KLKB1: variants seen among roughly 807,000 people sequenced by gnomAD.
KLKB1 encodes the protein plasma kallikrein.
Under a neutral mutation model 73.6 loss-of-function variants are expected in KLKB1, and 58 were observed. The ratio of observed to expected loss-of-function variants is 0.79; its 90% confidence interval spans 0.64 to 0.98. The LOEUF is 0.98. Among genes scored for constraint, KLKB1 ranks in the 50% least tolerant of loss-of-function variants. KLKB1 has a pLI of 0.00. For synonymous variants in KLKB1, 280 were observed against 258.1 expected (o/e 1.08, Z -0.81); for missense variants, 737 against 763.8 (o/e 0.96, Z 0.41).
At chr4:186,244,341 G>T (rs1738212623) in intron 6 of KLKB1, among the ~76,000 whole-genome samples, 1 of 152,192 alleles carries the variant, frequency 6.6e-6, no homozygotes, top group Non-Finnish European at 1.5e-5. Flanking sequence ...TTTGTAGAAG[G>T]GGTTGGGGTT....
At chr4:186,246,719 A>C (rs900572310) in intron 6 of KLKB1, among the ~76,000 whole-genome samples, 2 of 151,936 alleles carry the variant, frequency 1.3e-5, no homozygotes, top group African/African-American at 4.8e-5. Flanking sequence ...AGACATGGAG[A>C]GAAGGGGTGG....
intron 1 of KLKB1, among the ~76,000 whole-genome samples, chr4:186,227,930 A>C (rs1315212256): frequency 6.6e-6 from 1 of 152,186 alleles, no homozygotes; most frequent in Admixed American, 6.5e-5. Context: ...TTCCCTTTCC[A>C]ACATTACTAG....
At chr4:186,217,858 G>C (rs1561443485) in intron 2 of KLKB1, among the ~76,000 whole-genome samples, 1 of 152,178 alleles carries the variant, frequency 6.6e-6, no homozygotes, top group Non-Finnish European at 1.5e-5. Context: ...GTTGGAGCAG[G>C]CTGCTTAGGA....
intron 6 of KLKB1, among the ~76,000 whole-genome samples, chr4:186,240,805 T>C (rs1405276409): frequency 6.6e-6 from 1 of 152,196 alleles, no homozygotes; most frequent in African/African-American, 2.4e-5. Context: ...TATTATTTTT[T>C]TCTGGGAGAG....
At chr4:186,239,565 T>C (rs890415008) in intron 6 of KLKB1, among the ~76,000 whole-genome samples, 1 of 145,818 alleles carries the variant, frequency 6.9e-6, no homozygotes, top group African/African-American at 2.5e-5. Flanking sequence ...ACTGTTAGAG[T>C]TATAGGTACA....
chr4:186,235,398 A>G (rs1024690840), intron 4 of KLKB1, among the ~76,000 whole-genome samples: 6 of 152,330 alleles, frequency 3.9e-5, no homozygotes, highest in African/African-American at 1.4e-4. Context: ...TACACTCAAG[A>G]ACAATTCTAG....
In KLKB1 at chr4:186,215,503, G is replaced by A. The variant is rs1221298470; in HGVS notation, c.201+6231G>A. 6.7e-5 allele frequency among the ~76,000 whole-genome samples: 10 copies of A among 149,316 alleles called. No individual in the cohort carries two copies. In the South Asian group the frequency reaches 1.3e-3, roughly 19 times the overall value. ...CTCTAGGCTTTGCGTCCTTGCTTGC[G>A]CAAGTCAAGCCCAAGTTTTAAGTTT... On this transcript the variant is annotated intron_variant, in intron 2 of 14. Transcript: ENST00000511608.
At chr4:186,235,274 G>A (rs1359684543) in intron 4 of KLKB1, among the ~76,000 whole-genome samples, 2 of 152,126 alleles carry the variant, frequency 1.3e-5, no homozygotes, top group Non-Finnish European at 2.9e-5. Flanking sequence ...AGTAATTTGT[G>A]CCTTTCTCAA....
chr4:186,251,964 G>C (rs142587342), intron 10 of KLKB1, 53 bp from the exon 11 acceptor site: 5 of 1,610,066 alleles, frequency 3.1e-6, no homozygotes, highest in Middle Eastern at 1.7e-4. Flanking sequence ...TGGTTAGAAG[G>C]GACTTTGATT....
rs35792324 is a variant in KLKB1 at position 186,246,728 on chromosome 4, G to A, written c.599-3515G>A. Among the ~76,000 whole-genome samples, 729 of 151,398 alleles carry A rather than the reference G, an allele frequency of 4.8e-3. 4 individuals carry two copies. The highest frequency in any genetic ancestry group is 0.016 in the African/African-American group (674 of 41,402). On this transcript the variant is annotated intron_variant, in intron 6 of 14. Transcript: ENST00000264690. Reference sequence around the variant, plus strand: ...GGGTAGAGACATGGAGAGAAGGGGTGGGGGGGTGCTTGCCCCCAGGAAAGT... The same window carrying A: ...GGGTAGAGACATGGAGAGAAGGGGTAGGGGGGTGCTTGCCCCCAGGAAAGT...
chr4:186,235,986 C>T (rs4241819), intron 4 of KLKB1, among the ~76,000 whole-genome samples: 82,827 of 149,494 alleles, frequency 0.55, 23,060 homozygotes, highest in East Asian at 0.67. Context: ...TGGTGGCGCG[C>T]GCCTGTAGTC....
At chr4:186,236,725 A>G in intron 4 of KLKB1, 56 bp from the exon 5 acceptor site, 1 of 1,584,476 alleles carries the variant, frequency 6.3e-7, no homozygotes, top group Middle Eastern at 1.9e-4. Flanking sequence ...TGGGTATCTA[A>G]TCTACCTCTA....
At chr4:186,253,360 C>A (rs555412244) in intron 11 of KLKB1, among the ~76,000 whole-genome samples, 1 of 152,150 alleles carries the variant, frequency 6.6e-6, no homozygotes, top group African/African-American at 2.4e-5. Context: ...ATATAGCAGT[C>A]GGTGGTACAT....
chr4:186,247,606 G>C (rs1738424323), intron 6 of KLKB1, among the ~76,000 whole-genome samples: 2 of 152,168 alleles, frequency 1.3e-5, no homozygotes, highest in South Asian at 4.1e-4. Context: ...TAAATGTAAA[G>C]TTCTTAGAAT....
Position 186,228,234 on chromosome 4 carries a change from G to A in KLKB1, c.39G>A (p.Leu13=). The part of the protein sequence containing the change: ...LFKQATYFIS[L]FATVSCGCLT... ...AGCAAGCAACTTATTTCATTTCCTT[G>A]TTTGCTACAGTTTCCTGTGGTAAGT... The change falls in exon 2 of 15, where the codon TTG becomes TTA. Residue 13 remains leucine, a synonymous_variant. Coordinates refer to ENST00000264690, the MANE Select transcript of KLKB1 (RefSeq NM_000892.5). 1 of 1,594,412 alleles carries A rather than the reference G, an allele frequency of 6.3e-7. No individual in the cohort carries two copies.
Position 186,251,827 on chromosome 4 carries a change from C to G in KLKB1, c.1110C>G (p.Tyr370Ter). Residue 370 changes from tyrosine to a stop codon, truncating the protein, a stop_gained, in exon 10 of 15, where the codon TAC (tyrosine) becomes TAG (stop). Transcript: ENST00000264690. LOFTEE classifies it high-confidence loss of function. ...IAYGTQGSSGYSLRLCNTGDN... is the reference protein window; with the variant it reads ...IAYGTQGSSG The stretch of plus-strand genomic sequence containing the variant: ...ATGGGACACAAGGGAGCTCTGGTTA[C>G]TCTTTGAGATTGTGTAACACTGGGG... 1 of 1,613,938 alleles carries G rather than the reference C, an allele frequency of 6.2e-7. No homozygotes were observed. The highest frequency in any genetic ancestry group is 1.7e-5 in the Admixed American group (1 of 60,026).
At chr4:186,219,061 G>A (rs55686332) in intron 2 of KLKB1, among the ~76,000 whole-genome samples, 19,062 of 152,126 alleles carry the variant, frequency 0.13, 1,509 homozygotes, top group Middle Eastern at 0.21. Context: ...AGAAAGATGA[G>A]GGCCAGAAGA....
chr4:186,257,744 A>AGTGTGTGTGTGTGT (rs67371055), intron 14 of KLKB1, among the ~76,000 whole-genome samples: 73 of 147,206 alleles, frequency 5.0e-4, no homozygotes, highest in African/African-American at 1.8e-3. Context: ...AGAAAGAGTG[A>AGTGTGTGTGTGTGT]GTGTGTGTGT....
intron 5 of KLKB1, among the ~76,000 whole-genome samples, chr4:186,237,530 C>G (rs1422259288): frequency 2.0e-5 from 3 of 152,180 alleles, no homozygotes; most frequent in Admixed American, 2.0e-4. Context: ...TCTTGCAGGT[C>G]TTTCCTCAAA....
Sources: gnomAD v4.1 joint callset for allele counts (sites outside exome capture counted in the v4.1 genomes callset) on GRCh38, gnomAD v4.1.1 for gene constraint, MANE v1.5 for transcripts, NCBI Gene and HGNC (gene_info 2026-07-23, HGNC 2026-07-21) for gene names.